RBFOX1: variants seen among roughly 807,000 people sequenced by gnomAD.
RBFOX1 encodes RNA binding fox-1 homolog 1, also known as RNA binding protein fox-1 homolog 1.
RBFOX1 carries 8 observed loss-of-function variants against 57.7 expected under a neutral mutation model. The ratio of observed to expected loss-of-function variants is 0.14; its 90% CI spans 0.08 to 0.25. RBFOX1 has a LOEUF of 0.25. RBFOX1 is among the 10% of genes least tolerant of loss of function. The probability of loss-of-function intolerance (pLI) is 1.00; values close to 1 mark genes in which losing one functional copy is unlikely to be tolerated. For synonymous variants in RBFOX1, 326 were observed against 222.4 expected, an observed-to-expected ratio of 1.47 and a Z score of -4.15; for missense variants, 611 against 548.5, an observed-to-expected ratio of 1.11 and a Z score of -1.14.
intron 4 of RBFOX1, among the ~76,000 whole-genome samples, chr16:5,919,090 C>G (rs976283237): frequency 1.3e-5 from 2 of 152,140 alleles, no homozygotes; most frequent in East Asian, 3.9e-4. Flanking sequence ...CAGCCTATCA[C>G]CTGATAGCAC....
At chr16:6,534,503 A>G (rs1317851307) in intron 2 of RBFOX1, among the ~76,000 whole-genome samples, 1 of 152,136 alleles carries the variant, frequency 6.6e-6, no homozygotes, top group Non-Finnish European at 1.5e-5. Context: ...GAGATGTGTG[A>G]ATCATGCTTT....
intron 3 of RBFOX1, among the ~76,000 whole-genome samples, chr16:6,978,966 C>G (rs941577081): frequency 1.3e-5 from 2 of 152,202 alleles, no homozygotes; most frequent in South Asian, 2.1e-4. Context: ...CAGGCTGCCA[C>G]CTGTGCTAAG....
intron 2 of RBFOX1, among the ~76,000 whole-genome samples, chr16:5,559,388 C>T (rs142496454): frequency 3.9e-4 from 60 of 152,244 alleles, no homozygotes; most frequent in African/African-American, 1.4e-3. Flanking sequence ...CTGTGATCCT[C>T]AGATCTGAAA....
rs2088616871 is a variant in RBFOX1 at position 6,980,939 on chromosome 16, A to G, written c.-15-71118A>G. ...GTGCTTGTAATCCCAATTAATCGGG[A>G]GTCTGAGGCATGAGAATCCCTTGAA... On this transcript the variant is annotated intron_variant, in intron 3 of 15. Coordinates refer to ENST00000550418, the MANE Select transcript of RBFOX1 (RefSeq NM_018723.4). Among the ~76,000 whole-genome samples the G allele has an allele frequency of 2.0e-5, 3 of 149,668 alleles. No individual in the cohort carries two copies. In the Admixed American group the frequency reaches 2.0e-4, roughly 10 times the overall value.
At chr16:6,707,478 G>GTTTTT (rs61418784) in intron 3 of RBFOX1, among the ~76,000 whole-genome samples, 12,492 of 127,952 alleles carry the variant, frequency 0.098, 1,076 homozygotes, top group African/African-American at 0.2. Flanking sequence ...TCCCATTTTT[G>GTTTTT]TTTTTTTTTT....
chr16:6,584,266 A>T (rs182271111), intron 2 of RBFOX1, among the ~76,000 whole-genome samples: 51 of 151,582 alleles, frequency 3.4e-4, no homozygotes, highest in Admixed American at 8.5e-4. Flanking sequence ...ATCAAACCAC[A>T]CTTTCACTAT....
chr16:7,403,913 T>TTATATA lies in RBFOX1; in HGVS notation c.28-114225_28-114220dup, dbSNP rs143517193. Among the ~76,000 whole-genome samples the TTATATA allele has an allele frequency of 2.0e-5, 3 of 149,648 alleles. No individual in the cohort carries two copies. The East Asian group carries it at 5.9e-4, about 29-fold the overall frequency. On this transcript the variant is annotated intron_variant, in intron 4 of 15. Transcript: ENST00000550418. Reference sequence around the variant, plus strand: ...TAAATTTTAATTAAATATTATTCTTTTATATATATATATAACCTTTTTAAT... The same window carrying TTATATA: ...TAAATTTTAATTAAATATTATTCTTTTATATATATATATATATATAACCTTTTTAAT...
intron 4 of RBFOX1, among the ~76,000 whole-genome samples, chr16:5,998,566 T>C: frequency 6.6e-6 from 1 of 152,122 alleles, no homozygotes; most frequent in Non-Finnish European, 1.5e-5. Context: ...GCCCAGCATA[T>C]AAAATGGATC....
chr16:6,511,741 G>T (rs1208998347), intron 2 of RBFOX1, among the ~76,000 whole-genome samples: 1 of 152,204 alleles, frequency 6.6e-6, no homozygotes, highest in African/African-American at 2.4e-5. Context: ...ATGCACTATA[G>T]ATGGATTTTA....
chr16:7,680,537 C>T (rs1468340144), intron 14 of RBFOX1, among the ~76,000 whole-genome samples: 3 of 152,046 alleles, frequency 2.0e-5, no homozygotes, highest in Non-Finnish European at 4.4e-5. Flanking sequence ...CATCACAGTC[C>T]AATTACACTG....
intron 4 of RBFOX1, among the ~76,000 whole-genome samples, chr16:5,890,966 C>T (rs980291476): frequency 1.3e-5 from 2 of 152,170 alleles, no homozygotes; most frequent in African/African-American, 2.4e-5. Flanking sequence ...CTGAATTTCT[C>T]AGTCTGTGAA....
intron 2 of RBFOX1, among the ~76,000 whole-genome samples, chr16:6,511,571 T>C (rs2096255413): frequency 6.6e-6 from 1 of 152,220 alleles, no homozygotes; most frequent in Non-Finnish European, 1.5e-5. Context: ...TATTGTCAAA[T>C]TGAGTCCATT....
chr16:6,738,324 C>A (rs555692491), intron 3 of RBFOX1, among the ~76,000 whole-genome samples: 2 of 151,968 alleles, frequency 1.3e-5, no homozygotes, highest in African/African-American at 2.4e-5. Context: ...TGAGATGAAG[C>A]CTGGAGTACT....
At chr16:6,620,308 G>T (rs745339770) in intron 2 of RBFOX1, among the ~76,000 whole-genome samples, 2 of 152,160 alleles carry the variant, frequency 1.3e-5, no homozygotes, top group African/African-American at 4.8e-5. Flanking sequence ...TGAGAACAAA[G>T]ATAAAATATA....
At chr16:5,827,654 G>C (rs986748400) in intron 3 of RBFOX1, among the ~76,000 whole-genome samples, 3 of 152,132 alleles carry the variant, frequency 2.0e-5, no homozygotes, top group Admixed American at 2.0e-4. Flanking sequence ...AGAAATGGCT[G>C]CAGCTGTTTT....
chr16:7,088,681 G>A (rs2060351731), intron 4 of RBFOX1, among the ~76,000 whole-genome samples: 2 of 152,080 alleles, frequency 1.3e-5, no homozygotes, highest in South Asian at 4.1e-4. Flanking sequence ...TACTTATTAT[G>A]TTTTGGGAGA....
In RBFOX1 at chr16:6,837,074, T is replaced by C. The variant is rs547992180; in HGVS notation, c.-16+182424T>C. On this transcript the variant is annotated intron_variant, in intron 3 of 15. Coordinates refer to ENST00000550418, the MANE Select transcript of RBFOX1 (RefSeq NM_018723.4). ...CAGGGTAAGGATGAGTTGGAAATGA[T>C]ATATATTGGTTAACAATAGCCAGAG... Among the ~76,000 whole-genome samples, 4 of 152,320 alleles carry C rather than the reference T, an allele frequency of 2.6e-5. No individual in the cohort carries two copies. In the East Asian group the frequency reaches 7.7e-4, roughly 29 times the overall value.
chr16:7,352,888 G>C (rs1008362693), intron 4 of RBFOX1, among the ~76,000 whole-genome samples: 1 of 151,974 alleles, frequency 6.6e-6, no homozygotes, highest in African/African-American at 2.4e-5. Context: ...GCTAATTTTT[G>C]TATTTTTTGT....
intron 3 of RBFOX1, among the ~76,000 whole-genome samples, chr16:5,783,536 C>G (rs528833919): frequency 1.3e-5 from 2 of 152,148 alleles, no homozygotes; most frequent in Non-Finnish European, 2.9e-5. Flanking sequence ...CCAGACATCA[C>G]GTCTGTTTTC....
Sources: gnomAD v4.1 joint callset for allele counts (sites outside exome capture counted in the v4.1 genomes callset) on GRCh38, gnomAD v4.1.1 for gene constraint, MANE v1.5 for transcripts, NCBI Gene and HGNC (gene_info 2026-07-23, HGNC 2026-07-21) for gene names.